The following PTPRD variants were observed in gnomAD, a reference collection of about 807,000 sequenced individuals.
PTPRD encodes receptor-type tyrosine-protein phosphatase delta.
In PTPRD, 34 loss-of-function variants were observed where a neutral mutation model predicts 214.5. That is an observed-to-expected ratio of 0.16 (90% CI 0.12 to 0.21). PTPRD has a LOEUF of 0.21. Among genes scored for constraint, PTPRD ranks in the 10% least tolerant of loss-of-function variants. The probability of loss-of-function intolerance (pLI) is 1.00; values close to 1 mark genes in which losing one functional copy is unlikely to be tolerated. For missense variants in PTPRD, 2,545 were observed against 2,398.7 expected (o/e 1.06, Z -1.27); for synonymous variants, 1,128 against 845.7 (o/e 1.33, Z -5.79).
At chr9:8,687,423 G>C (rs974211179) in intron 12 of PTPRD, among the ~76,000 whole-genome samples, 4 of 152,174 alleles carry the variant, frequency 2.6e-5, no homozygotes, top group African/African-American at 9.7e-5. Context: ...TTTAAATAAA[G>C]TTTGGTAAGG....
chr9:9,401,990 G>C (rs2070777959), intron 8 of PTPRD, among the ~76,000 whole-genome samples: 1 of 152,070 alleles, frequency 6.6e-6, no homozygotes, highest in South Asian at 2.1e-4. Flanking sequence ...GTCTCAGGCA[G>C]TTCATTATAA....
At chr9:10,278,989 T>A (rs1596001025) in intron 3 of PTPRD, among the ~76,000 whole-genome samples, 1 of 152,132 alleles carries the variant, frequency 6.6e-6, no homozygotes, top group East Asian at 1.9e-4. Context: ...TTAGCCAGGA[T>A]GATCTCGATC....
intron 7 of PTPRD, among the ~76,000 whole-genome samples, chr9:9,727,731 G>A (rs148546164): frequency 3.5e-4 from 54 of 152,190 alleles, no homozygotes; most frequent in African/African-American, 1.0e-3. Context: ...GAAACTTGCC[G>A]TCTTGTGAAT....
intron 35 of PTPRD, among the ~76,000 whole-genome samples, chr9:8,424,811 T>G (rs2131795791): frequency 6.6e-6 from 1 of 151,836 alleles, no homozygotes; most frequent in African/African-American, 2.4e-5. Context: ...TTTAGAGGAC[T>G]GATGAGTGCC....
chr9:9,760,686 T>A (rs1415917612), intron 6 of PTPRD, among the ~76,000 whole-genome samples: 1 of 149,796 alleles, frequency 6.7e-6, no homozygotes, highest in African/African-American at 2.5e-5. Flanking sequence ...TGTTCATACG[T>A]GTACTCAAAA....
intron 7 of PTPRD, among the ~76,000 whole-genome samples, chr9:9,635,394 G>A (rs749062296): frequency 1.2e-4 from 18 of 152,098 alleles, no homozygotes; most frequent in Non-Finnish European, 7.4e-5. Flanking sequence ...GCACCAAGTG[G>A]CTCCCGAACT....
chr9:9,830,594 C>A (rs1394925306), intron 5 of PTPRD, among the ~76,000 whole-genome samples: 2 of 151,898 alleles, frequency 1.3e-5, no homozygotes, highest in Non-Finnish European at 2.9e-5. Flanking sequence ...ACAAAGGGAA[C>A]AGAGCTTCCT....
chr9:8,975,157 G>A (rs987068116), intron 11 of PTPRD, among the ~76,000 whole-genome samples: 2 of 150,892 alleles, frequency 1.3e-5, no homozygotes, highest in Non-Finnish European at 2.9e-5. Flanking sequence ...ATAACATGAT[G>A]AAGGGAATGG....
intron 11 of PTPRD, among the ~76,000 whole-genome samples, chr9:8,851,448 C>T (rs919125523): frequency 1.9e-4 from 29 of 152,230 alleles, no homozygotes; most frequent in African/African-American, 7.0e-4. Flanking sequence ...AATAAATGTG[C>T]TAAGCAGAAA....
At chr9:9,383,603 T>A (rs748988904) in intron 9 of PTPRD, among the ~76,000 whole-genome samples, 1 of 152,136 alleles carries the variant, frequency 6.6e-6, no homozygotes, top group African/African-American at 2.4e-5. Context: ...TAAGAAAAAA[T>A]TGTGATTCAT....
At chr9:10,153,981 T>TA (rs1422013104) in intron 3 of PTPRD, among the ~76,000 whole-genome samples, 1 of 152,140 alleles carries the variant, frequency 6.6e-6, no homozygotes, top group African/African-American at 2.4e-5. Context: ...GAATGATTTA[T>TA]AATGTTGAGG....
intron 2 of PTPRD, among the ~76,000 whole-genome samples, chr9:10,500,508 G>C (rs973035910): frequency 2.0e-5 from 3 of 151,790 alleles, no homozygotes; most frequent in African/African-American, 7.3e-5. Context: ...AGGGTATGTA[G>C]AGCACCCATC....
intron 3 of PTPRD, among the ~76,000 whole-genome samples, chr9:10,112,484 G>C (rs2098699640): frequency 6.6e-6 from 1 of 151,480 alleles, no homozygotes; most frequent in African/African-American, 2.4e-5. Context: ...AAAAATATAA[G>C]TAAATGAAGG....
At position 8,767,940 on chromosome 9, in the gene PTPRD, A is replaced by G. The variant is rs377423873; in HGVS notation, c.-103-33994T>C. ...ATAACTAAACATGGTGAGAATTAGG[A>G]TAAAGAGGAAGTTTTACTCCTTACA... On this transcript the variant is annotated intron_variant, in intron 11 of 45. Transcript: ENST00000381196. 1.0e-3 allele frequency among the ~76,000 whole-genome samples: 153 copies of G among 152,362 alleles called. No individual in the cohort carries two copies. In the Middle Eastern group the frequency reaches 0.017, roughly 17 times the overall value.
intron 11 of PTPRD, among the ~76,000 whole-genome samples, chr9:8,824,821 G>C (rs2097144049): frequency 6.6e-6 from 1 of 152,136 alleles, no homozygotes; most frequent in Non-Finnish European, 1.5e-5. Context: ...GCAGAAATAA[G>C]CTTAGAAACA....
intron 10 of PTPRD, among the ~76,000 whole-genome samples, chr9:9,127,600 G>C (rs1204937118): frequency 6.6e-6 from 1 of 152,090 alleles, no homozygotes; most frequent in Non-Finnish European, 1.5e-5. Context: ...CCAAAGTTCT[G>C]TTTTTAACAT....
At chr9:10,032,644 A>G (rs2097104549) in intron 4 of PTPRD, among the ~76,000 whole-genome samples, 1 of 152,144 alleles carries the variant, frequency 6.6e-6, no homozygotes. Flanking sequence ...AACATGCAGT[A>G]TATCTATTCA....
intron 7 of PTPRD, among the ~76,000 whole-genome samples, chr9:9,682,788 A>G (rs2097099117): frequency 6.6e-6 from 1 of 151,766 alleles, no homozygotes. Flanking sequence ...ACCAGCACAT[A>G]GCCACGTGAC....
chr9:9,904,032 G>A (rs545240492), intron 5 of PTPRD, among the ~76,000 whole-genome samples: 1 of 152,216 alleles, frequency 6.6e-6, no homozygotes, highest in East Asian at 1.9e-4. Context: ...CCCTGGCAAA[G>A]TTCAGTCCTC....
Sources: allele counts gnomAD v4.1 joint callset (sites outside exome capture counted in the v4.1 genomes callset), GRCh38; gene constraint gnomAD v4.1.1; transcripts MANE v1.5; gene names NCBI Gene and HGNC (gene_info 2026-07-23, HGNC 2026-07-21).